SLC1A2: variants seen among roughly 807,000 people sequenced by gnomAD.
SLC1A2 encodes the protein solute carrier family 1 member 2, also known as excitatory amino acid transporter 2.
In SLC1A2, 15 loss-of-function variants were observed where a neutral mutation model predicts 48.8. The observed-to-expected ratio is 0.31, with a 90% CI of 0.21 to 0.47. The LOEUF (loss-of-function observed/expected upper bound fraction) is 0.47. Ranked by LOEUF, SLC1A2 falls within the 20% of genes least tolerant of loss-of-function variation. The probability of loss-of-function intolerance (pLI) is 0.99; values close to 1 mark genes in which losing one functional copy is unlikely to be tolerated. For missense variants in SLC1A2, 502 were observed against 730.5 expected (o/e 0.69, Z 3.61); for synonymous variants, 279 against 272.6 (o/e 1.02, Z -0.23).
intron 1 of SLC1A2, among the ~76,000 whole-genome samples, chr11:35,353,446 T>C (rs1000722084): frequency 3.3e-5 from 5 of 152,204 alleles, no homozygotes; most frequent in Non-Finnish European, 7.3e-5. Flanking sequence ...ATCTGTGTGA[T>C]TGATGGATGT....
At chr11:35,317,836 G>A (rs1486944827) in intron 1 of SLC1A2, among the ~76,000 whole-genome samples, 1 of 152,126 alleles carries the variant, frequency 6.6e-6, no homozygotes, top group Admixed American at 6.5e-5. Flanking sequence ...AGTTGCAAAG[G>A]CTAAAATAGA....
chr11:35,340,154 G>A (rs1046234011), intron 1 of SLC1A2, among the ~76,000 whole-genome samples: 1 of 152,124 alleles, frequency 6.6e-6, no homozygotes, highest in Admixed American at 6.5e-5. Flanking sequence ...GAAGCAACGG[G>A]ACCCAGCTCA....
At chr11:35,391,493 T>C (rs889303192) in intron 1 of SLC1A2, 1 of 152,250 alleles carries the variant, frequency 6.6e-6, no homozygotes, top group Non-Finnish European at 1.5e-5. Flanking sequence ...TGCTATCATC[T>C]CTACCCTGTG....
chr11:35,360,182 A>G (rs1853626243), intron 1 of SLC1A2: 2 of 611,216 alleles, frequency 3.3e-6, no homozygotes, highest in Non-Finnish European at 4.1e-6. Context: ...TTTGATGACA[A>G]AGACGTCACA....
At chr11:35,417,608 C>T (rs1855647947) in intron 1 of SLC1A2, among the ~76,000 whole-genome samples, 1 of 152,196 alleles carries the variant, frequency 6.6e-6, no homozygotes, top group Non-Finnish European at 1.5e-5. Flanking sequence ...TCCTTGTACA[C>T]AGGTGTCTTC....
chr11:35,257,828 G>C lies in SLC1A2; in HGVS notation c.*3066C>G, dbSNP rs1342044368. Reference sequence around the variant, plus strand: ...GGCATTGCCGAAGCCCTGATTTACAGACCTTACAGGATGCAGTGTATGTAT... The same window carrying C: ...GGCATTGCCGAAGCCCTGATTTACACACCTTACAGGATGCAGTGTATGTAT... On this transcript the variant is annotated 3_prime_UTR_variant, in exon 11 of 11. Transcript: ENST00000278379. 1 of 152,184 alleles carries C rather than the reference G, an allele frequency of 6.6e-6. No individual in the cohort carries two copies. Among genetic ancestry groups the C allele is most frequent in the Admixed American group, 6.5e-5 (1 of 15,278 alleles). 9.4% of individuals were successfully genotyped at this position (152,184 alleles called of 1,614,324 possible). A position where few individuals can be genotyped will look rare whatever the true frequency, so the allele number is the denominator to read the frequency against.
At chr11:35,312,019 A>T (rs574076331) in intron 4 of SLC1A2, 179 bp downstream of exon 4, 11 of 552,658 alleles carry the variant, frequency 2.0e-5, no homozygotes, top group Admixed American at 5.5e-5. Flanking sequence ...AATTAAAACC[A>T]GGAGACTCCA....
chr11:35,357,256 C>CAA (rs531883065), intron 1 of SLC1A2, among the ~76,000 whole-genome samples: 333 of 98,220 alleles, frequency 3.4e-3, no homozygotes, highest in African/African-American at 7.7e-3. Flanking sequence ...GACTCTATAT[C>CAA]AAAAAAAAAA....
Position 35,251,284 on chromosome 11 carries a change from T to G in SLC1A2, c.*9610A>C, listed in dbSNP as rs1326752416. ...TTAGTGAAATATTGGATTCACAGGT[T>G]ATTTCCAGTATATAAAGAATATCCA... On this transcript the variant is annotated 3_prime_UTR_variant, in exon 11 of 11. Transcript: ENST00000278379. 1 of 152,656 alleles carries G rather than the reference T, an allele frequency of 6.6e-6. No individual in the cohort carries two copies. Among genetic ancestry groups the G allele is most frequent in the Admixed American group, 6.5e-5 (1 of 15,278 alleles). 9.5% of individuals were successfully genotyped at this position (152,656 alleles called of 1,614,324 possible). A position where few individuals can be genotyped will look rare whatever the true frequency, so the allele number is the denominator to read the frequency against.
At chr11:35,392,048 A>C (rs1248996593) in intron 1 of SLC1A2, among the ~76,000 whole-genome samples, 1 of 152,228 alleles carries the variant, frequency 6.6e-6, no homozygotes, top group Non-Finnish European at 1.5e-5. Flanking sequence ...AATAGTTTGC[A>C]GAATGATACC....
chr11:35,385,891 G>T (rs868782721), intron 1 of SLC1A2, among the ~76,000 whole-genome samples: 141 of 152,300 alleles, frequency 9.3e-4, no homozygotes, highest in African/African-American at 3.2e-3. Context: ...CAGTTGGCCC[G>T]GCGCGGTGGC....
chr11:35,380,376 C>A, intron 1 of SLC1A2: 3 of 398,638 alleles, frequency 7.5e-6, no homozygotes, highest in Non-Finnish European at 1.3e-5. Flanking sequence ...ATTGTGAGCA[C>A]TAACCTTCTC....
In SLC1A2 at chr11:35,254,894, A is replaced by G. The variant is rs1950292552; in HGVS notation, c.*6000T>C. On this transcript the variant is annotated 3_prime_UTR_variant, in exon 11 of 11. Coordinates refer to ENST00000278379, the MANE Select transcript of SLC1A2 (RefSeq NM_004171.4). ...GAAAGTGAAGCAAGGCTGGACATAG[A>G]AAAAAACTGATCAGTAGTTATTCAG... 2.3e-6 allele frequency: 1 copy of G among 429,748 alleles called. No homozygotes were observed. The highest frequency in any genetic ancestry group is 1.7e-5 in the South Asian group (1 of 59,380). 26.6% of individuals were successfully genotyped at this position (429,748 alleles called of 1,614,324 possible). A position where few individuals can be genotyped will look rare whatever the true frequency, so the allele number is the denominator to read the frequency against.
intron 3 of SLC1A2, among the ~76,000 whole-genome samples, chr11:35,313,377 G>A (rs1242958763): frequency 6.6e-6 from 1 of 152,166 alleles, no homozygotes; most frequent in African/African-American, 2.4e-5. Flanking sequence ...CCCTGCCAAT[G>A]GTGGGCACTT....
chr11:35,386,484 G>A (rs1325737309), intron 1 of SLC1A2, among the ~76,000 whole-genome samples: 1 of 152,150 alleles, frequency 6.6e-6, no homozygotes. Context: ...CGATGAAAAG[G>A]CATCAATATG....
chr11:35,343,740 G>A (rs1852926358), intron 1 of SLC1A2, among the ~76,000 whole-genome samples: 2 of 151,778 alleles, frequency 1.3e-5, no homozygotes, highest in Admixed American at 6.6e-5. Flanking sequence ...TATTATCTGT[G>A]CACCAGAATA....
chr11:35,380,873 G>A (rs918586066), intron 1 of SLC1A2, among the ~76,000 whole-genome samples: 1 of 152,148 alleles, frequency 6.6e-6, no homozygotes, highest in African/African-American at 2.4e-5. Flanking sequence ...GACACCCTGG[G>A]CTTAAAGAAA....
At chr11:35,323,600 G>A (rs1565243890) in intron 1 of SLC1A2, among the ~76,000 whole-genome samples, 1 of 152,184 alleles carries the variant, frequency 6.6e-6, no homozygotes, top group Non-Finnish European at 1.5e-5. Context: ...TTCTAGAGAT[G>A]TGGATTCCAT....
In SLC1A2 at chr11:35,354,891, G is replaced by A. The variant is rs950661045; in HGVS notation, c.18-37375C>T. On this transcript the variant is annotated intron_variant, in intron 1 of 10. Transcript: ENST00000278379. ...AACAGAAACATGACACATCTTCCAC[G>A]AACAGCAAAATCTTCCTGAATTTCC... Among the ~76,000 whole-genome samples, 15 of 152,218 alleles carry A rather than the reference G, an allele frequency of 9.9e-5. 1 individual carries two copies. The highest frequency in any genetic ancestry group is 5.8e-4 in the East Asian group (3 of 5,188).
Sources: gnomAD v4.1 joint callset for allele counts (sites outside exome capture counted in the v4.1 genomes callset) on GRCh38, gnomAD v4.1.1 for gene constraint, MANE v1.5 for transcripts, NCBI Gene and HGNC (gene_info 2026-07-23, HGNC 2026-07-21) for gene names.